KCNIP1: variants seen among roughly 807,000 people sequenced by gnomAD.
KCNIP1 encodes A-type potassium channel modulatory protein KCNIP1.
A neutral mutation model predicts 33.0 loss-of-function variants in KCNIP1; 18 were observed. The ratio of observed to expected loss-of-function variants is 0.55; its 90% confidence interval spans 0.38 to 0.81. The LOEUF (loss-of-function observed/expected upper bound fraction) is 0.81. Among genes scored for constraint, KCNIP1 ranks in the 30% least tolerant of loss-of-function variants. The pLI is 0.00. For synonymous variants in KCNIP1, 93 were observed against 98.3 expected (o/e 0.95, Z 0.32); for missense variants, 238 against 271.6 (o/e 0.88, Z 0.87).
At chr5:170,549,371 A>G (rs915190957) in intron 1 of KCNIP1, among the ~76,000 whole-genome samples, 2 of 152,218 alleles carry the variant, frequency 1.3e-5, no homozygotes, top group Admixed American at 1.3e-4. Flanking sequence ...AGTATTGCAC[A>G]GTGATGAAGC....
At chr5:170,734,935 C>T (rs1037180585) in intron 7 of KCNIP1, among the ~76,000 whole-genome samples, 1 of 152,218 alleles carries the variant, frequency 6.6e-6, no homozygotes, top group Non-Finnish European at 1.5e-5. Flanking sequence ...CACCTCCAAC[C>T]TTGATTCCTC....
intron 1 of KCNIP1, among the ~76,000 whole-genome samples, chr5:170,453,918 C>T (rs2113083091): frequency 6.6e-6 from 1 of 152,306 alleles, no homozygotes; most frequent in African/African-American, 2.4e-5. Flanking sequence ...AGATTCTCCC[C>T]AAGTTGAGCC....
intron 1 of KCNIP1, among the ~76,000 whole-genome samples, chr5:170,620,365 C>T (rs1470377908): frequency 6.6e-6 from 1 of 152,148 alleles, no homozygotes; most frequent in Admixed American, 6.5e-5. Context: ...AGGCACTTGA[C>T]CTAAATTAGT....
intron 1 of KCNIP1, among the ~76,000 whole-genome samples, chr5:170,429,030 G>A (rs1288519764): frequency 6.6e-6 from 1 of 152,148 alleles, no homozygotes; most frequent in African/African-American, 2.4e-5. Flanking sequence ...GGCAGAGGTT[G>A]CGGTGAGCCG....
intron 1 of KCNIP1, among the ~76,000 whole-genome samples, chr5:170,475,836 A>G (rs1050413926): frequency 2.0e-5 from 3 of 152,118 alleles, no homozygotes; most frequent in Admixed American, 6.6e-5. Flanking sequence ...AACTGATCCT[A>G]TTCCCAGCTC....
intron 1 of KCNIP1, among the ~76,000 whole-genome samples, chr5:170,356,464 C>T (rs1447200206): frequency 6.6e-6 from 1 of 152,234 alleles, no homozygotes; most frequent in East Asian, 1.9e-4. Flanking sequence ...TGCCAGAAAT[C>T]CTTCTTGCCA....
chr5:170,554,546 C>T (rs952182122), intron 1 of KCNIP1, among the ~76,000 whole-genome samples: 15 of 152,168 alleles, frequency 9.9e-5, no homozygotes, highest in Non-Finnish European at 1.8e-4. Flanking sequence ...TGATGACAGA[C>T]GGAATCTCAG....
intron 1 of KCNIP1, among the ~76,000 whole-genome samples, chr5:170,549,138 GA>G (rs141939348): frequency 0.03 from 4,632 of 152,050 alleles, 77 homozygotes; most frequent in East Asian, 0.085. Context: ...TTACTCTAAT[GA>G]AAAAAAATCT....
intron 1 of KCNIP1, among the ~76,000 whole-genome samples, chr5:170,531,177 C>T (rs1387442961): frequency 6.6e-6 from 1 of 152,110 alleles, no homozygotes; most frequent in Non-Finnish European, 1.5e-5. Flanking sequence ...GAGGATGTGG[C>T]AGCAAACAGG....
chr5:170,439,769 C>A (rs894716025), intron 1 of KCNIP1, among the ~76,000 whole-genome samples: 1 of 152,240 alleles, frequency 6.6e-6, no homozygotes, highest in East Asian at 1.9e-4. Flanking sequence ...TGCCAGCCCA[C>A]AACTCAGTCA....
chr5:170,704,594 T>C (rs548814553), intron 1 of KCNIP1, among the ~76,000 whole-genome samples: 21 of 152,198 alleles, frequency 1.4e-4, no homozygotes, highest in Admixed American at 5.2e-4. Context: ...CTAGGCTCTG[T>C]CTTGAAGGTT....
At position 170,388,285 on chromosome 5, in the gene KCNIP1, C is replaced by A. The variant is rs186289318; in HGVS notation, c.88+34321C>A. 1.2e-3 allele frequency among the ~76,000 whole-genome samples: 181 copies of A among 152,332 alleles called. 1 individual carries two copies. The highest frequency in any genetic ancestry group is 3.6e-3 in the African/African-American group (151 of 41,576). On this transcript the variant is annotated intron_variant, in intron 1 of 7. Coordinates refer to the KCNIP1 transcript ENST00000377360. Reference sequence around the variant, plus strand: ...GAGTCATGATAAATCCTCCTAAGACCATGCGTGGGGTTCAGTGTAGATATG... The same window carrying A: ...GAGTCATGATAAATCCTCCTAAGACAATGCGTGGGGTTCAGTGTAGATATG...
chr5:170,535,726 G>A (rs1047693767), intron 1 of KCNIP1, among the ~76,000 whole-genome samples: 4 of 152,194 alleles, frequency 2.6e-5, no homozygotes, highest in African/African-American at 9.7e-5. Context: ...ATTATTCAGG[G>A]AGTGAGAATT....
At chr5:170,596,235 C>T (rs535505081) in intron 1 of KCNIP1, among the ~76,000 whole-genome samples, 11 of 152,346 alleles carry the variant, frequency 7.2e-5, no homozygotes, top group Middle Eastern at 3.4e-3. Flanking sequence ...CAGGCAGGCT[C>T]ACCTGTCCAT....
At chr5:170,685,608 C>T (rs180809266) in intron 1 of KCNIP1, among the ~76,000 whole-genome samples, 10 of 152,052 alleles carry the variant, frequency 6.6e-5, no homozygotes, top group African/African-American at 2.4e-4. Flanking sequence ...ACTGCCTCAG[C>T]CTCCTGAGTA....
intron 1 of KCNIP1, among the ~76,000 whole-genome samples, chr5:170,661,152 T>C (rs1302440880): frequency 6.6e-6 from 1 of 152,194 alleles, no homozygotes; most frequent in African/African-American, 2.4e-5. Flanking sequence ...GTTGAGGAGA[T>C]GGCTGATGGC....
chr5:170,575,835 A>T (rs531970006), intron 1 of KCNIP1, among the ~76,000 whole-genome samples: 1 of 152,202 alleles, frequency 6.6e-6, no homozygotes, highest in East Asian at 1.9e-4. Flanking sequence ...CTTCTTAGCA[A>T]TTCACCTTAT....
At chr5:170,371,216 A>G (rs2113307794) in intron 1 of KCNIP1, among the ~76,000 whole-genome samples, 1 of 152,254 alleles carries the variant, frequency 6.6e-6, no homozygotes, top group African/African-American at 2.4e-5. Context: ...TGGAAAGCAT[A>G]GATTTAGGCA....
At chr5:170,362,627 G>C (rs939335941) in intron 1 of KCNIP1, among the ~76,000 whole-genome samples, 3 of 152,208 alleles carry the variant, frequency 2.0e-5, no homozygotes, top group South Asian at 4.1e-4. Context: ...AAGATTTCCT[G>C]TTGTATTTCT....
Sources: allele counts gnomAD v4.1 joint callset (sites outside exome capture counted in the v4.1 genomes callset), GRCh38; gene constraint gnomAD v4.1.1; transcripts MANE v1.5; gene names NCBI Gene and HGNC (gene_info 2026-07-23, HGNC 2026-07-21).